The following NDUFS7 variants were observed in gnomAD, a reference collection of about 807,000 sequenced individuals.
The protein encoded by NDUFS7 is NADH:ubiquinone oxidoreductase core subunit S7.
NDUFS7 carries 11 observed loss-of-function variants against 31.1 expected under a neutral mutation model. The observed-to-expected ratio is 0.35, with a 90% CI of 0.22 to 0.59. The LOEUF (loss-of-function observed/expected upper bound fraction) is 0.59, where lower values mean the gene tolerates loss of function less well. Ranked by LOEUF, NDUFS7 falls within the 20% of genes least tolerant of loss-of-function variation. The probability of loss-of-function intolerance (pLI) is 0.79; values close to 1 mark genes in which losing one functional copy is unlikely to be tolerated. For missense variants in NDUFS7, 263 were observed against 324.2 expected (o/e 0.81, Z 1.45); for synonymous variants, 136 against 127.9 (o/e 1.06, Z -0.43).
chr19:1,389,011 C>T (rs1292180921), intron 4 of NDUFS7, 73 bp downstream of exon 4: 1 of 1,250,378 alleles, frequency 8.0e-7, no homozygotes, highest in Non-Finnish European at 1.1e-6. Context: ...CACACATACA[C>T]ACACCAACGT....
At chr19:1,389,436 A>G in intron 4 of NDUFS7, 2 of 458,034 alleles carry the variant, frequency 4.4e-6, no homozygotes, top group South Asian at 3.1e-5. Context: ...GCCGTGGAGC[A>G]GGGCGGACCC....
intron 7 of NDUFS7, chr19:1,394,826 C>T (rs1001071634): frequency 2.1e-5 from 25 of 1,165,280 alleles, no homozygotes; most frequent in African/African-American, 8.1e-5. Context: ...CTGCTGTCCC[C>T]GTTGGGCCCT....
Position 1,387,836 on chromosome 19 carries a change from C to A in NDUFS7, c.42C>A (p.Ile14=). 6.3e-7 allele frequency: 1 copy of A among 1,597,720 alleles called. No individual in the cohort carries two copies. The highest frequency in any genetic ancestry group is 1.7e-4 in the Middle Eastern group (1 of 5,984). The part of the protein sequence containing the change: ...LSAPGLRGFR[I]LGLRSSVGPA... Reference sequence around the variant, plus strand: ...CTCCTGGCCTGCGCGGCTTCCGGATCCTTGGTCTGCGGTGAGTGCCTGAGT... The same window carrying A: ...CTCCTGGCCTGCGCGGCTTCCGGATACTTGGTCTGCGGTGAGTGCCTGAGT... Residue 14 remains isoleucine (I), a synonymous_variant, in exon 2 of 8, where the codon ATC becomes ATA. Transcript: ENST00000233627.
At chr19:1,390,280 A>G (rs1443219378) in intron 4 of NDUFS7, 5 of 164,272 alleles carry the variant, frequency 3.0e-5, no homozygotes, top group Non-Finnish European at 6.6e-5. Context: ...GGGCAGGTGG[A>G]CCTGGCCATT....
intron 2 of NDUFS7, 38 bp downstream of exon 2, chr19:1,387,885 C>T: frequency 6.7e-7 from 1 of 1,483,182 alleles, no homozygotes; most frequent in Non-Finnish European, 9.2e-7. Flanking sequence ...CTGGGAGGGG[C>T]CTTCAGCAGC....
At position 1,393,210 on chromosome 19, in the gene NDUFS7, G is replaced by A. The variant is rs370874039; in HGVS notation, c.456-32G>A. The A allele has an allele frequency of 1.1e-4, 173 of 1,537,126 alleles. No homozygotes were observed. The highest frequency in any genetic ancestry group is 2.7e-5 in the African/African-American group (2 of 72,806). On this transcript the variant is annotated intron_variant, in intron 6 of 7. Transcript: ENST00000233627. The surrounding 1 kb of genome is among the most constrained non-coding windows in gnomAD (Gnocchi z 7.3). Reference sequence around the variant, plus strand: ...AGGGAGGGTGGGCAGGCGGGTCTTCGGCACACTCCCCTCACGGTGCCTCCC... The same window carrying A: ...AGGGAGGGTGGGCAGGCGGGTCTTCAGCACACTCCCCTCACGGTGCCTCCC...
At chr19:1,388,199 G>T (rs2082522612) in intron 2 of NDUFS7, 2 of 585,928 alleles carry the variant, frequency 3.4e-6, no homozygotes, top group Admixed American at 3.0e-5. Context: ...CGGTGAGGGC[G>T]CATGCCCAGG....
chr19:1,385,926 C>T (rs2082504766), intron 1 of NDUFS7, among the ~76,000 whole-genome samples: 1 of 152,218 alleles, frequency 6.6e-6, no homozygotes, highest in African/African-American at 2.4e-5. Flanking sequence ...ATCCAAAGTC[C>T]TGCATTTTCA....
At chr19:1,389,198 C>T (rs746914432) in intron 4 of NDUFS7, 9 of 688,824 alleles carry the variant, frequency 1.3e-5, no homozygotes, top group South Asian at 4.6e-5. Context: ...AGCACATGTG[C>T]ACACACGCTT....
intron 1 of NDUFS7, among the ~76,000 whole-genome samples, chr19:1,385,601 C>T (rs987388725): frequency 6.6e-6 from 1 of 152,086 alleles, no homozygotes; most frequent in African/African-American, 2.4e-5. Context: ...GGCGGATCCC[C>T]TGAGTTCGGG....
chr19:1,394,901 C>T (rs1427990070), intron 7 of NDUFS7: 29 of 1,116,418 alleles, frequency 2.6e-5, no homozygotes, highest in African/African-American at 6.6e-5. Flanking sequence ...CTGGGGGATC[C>T]CCAGCAAAGA....
chr19:1,383,960 G>T lies in NDUFS7; in HGVS notation c.16+18G>T. On this transcript the variant is annotated intron_variant, in intron 1 of 7. Transcript: ENST00000233627. ...GCTGTCAGGTGAGCGCGGCACCGGCGGCGGGTGTGGGGCCGCGCGGGTCTG... is the reference window on the plus strand; with the variant it reads ...GCTGTCAGGTGAGCGCGGCACCGGCTGCGGGTGTGGGGCCGCGCGGGTCTG... The T allele has an allele frequency of 6.4e-7, 1 of 1,563,316 alleles. No individual in the cohort carries two copies. Among genetic ancestry groups the T allele is most frequent in the South Asian group, 1.2e-5 (1 of 85,006 alleles).
intron 4 of NDUFS7, chr19:1,389,677 C>A (rs372192469): frequency 5.5e-6 from 2 of 365,684 alleles, no homozygotes; most frequent in East Asian, 7.4e-5. Flanking sequence ...CCAGCCCCCA[C>A]GCAGCCCCTG....
chr19:1,384,266 G>A (rs1247339344), intron 1 of NDUFS7: 4 of 437,630 alleles, frequency 9.1e-6, no homozygotes, highest in Non-Finnish European at 1.6e-5. Flanking sequence ...CTGCTCTTGA[G>A]ATGCCCTGGA....
At chr19:1,389,894 TTTC>T (rs1359215385) in intron 4 of NDUFS7, 1 of 209,042 alleles carries the variant, frequency 4.8e-6, no homozygotes, top group East Asian at 1.5e-4. Flanking sequence ...TTCTTTTCTT[TTTC>T]TTTTCTTTTC....
intron 7 of NDUFS7, chr19:1,395,047 G>A (rs2082586507): frequency 1.2e-5 from 14 of 1,207,448 alleles, no homozygotes; most frequent in Non-Finnish European, 1.5e-5. Context: ...GCTCCCCACT[G>A]CTAAGTGTGT....
Position 1,388,302 on chromosome 19 carries a change from TG to T in NDUFS7, c.54-220del. The stretch of plus-strand genomic sequence containing the variant: ...CCTTGCTTGGACACTGTTGACCTGC[TG>T]GGTACGTCACAAAAGAAGTTCCATT... On this transcript the variant is annotated intron_variant, in intron 2 of 7. Coordinates refer to ENST00000233627, the MANE Select transcript of NDUFS7 (RefSeq NM_024407.5). 3 of 615,778 alleles carry T rather than the reference TG, an allele frequency of 4.9e-6. No individual in the cohort carries two copies. The East Asian group carries it at 8.3e-5, about 17-fold the overall frequency. The allele number at this position is 615,778 out of a possible 1,614,324, so 38.1% of individuals were successfully genotyped here.
At chr19:1,388,130 G>C in intron 2 of NDUFS7, 1 of 599,240 alleles carries the variant, frequency 1.7e-6, no homozygotes, top group Non-Finnish European at 3.0e-6. Context: ...GGCATTCTCT[G>C]AGCCCTGTGC....
Position 1,384,049 on chromosome 19 carries a change from T to C in NDUFS7, c.16+107T>C, listed in dbSNP as rs896386027. The C allele has an allele frequency of 6.5e-5, 83 of 1,271,492 alleles. No homozygotes were observed. In the Middle Eastern group the frequency reaches 1.6e-3, roughly 25 times the overall value. The allele number at this position is 1,271,492 out of a possible 1,614,324, so 78.8% of individuals were successfully genotyped here. A position where few individuals can be genotyped will look rare whatever the true frequency, so the allele number is the denominator to read the frequency against. The stretch of plus-strand genomic sequence containing the variant: ...GTCGGTGCCGGCGTCGTGGCCGCGG[T>C]CCTCTCCGGGCTTCTCCGAGCCGGC... On this transcript the variant is annotated intron_variant, in intron 1 of 7. Transcript: ENST00000233627.
Sources: allele counts gnomAD v4.1 joint callset (sites outside exome capture counted in the v4.1 genomes callset), GRCh38; gene constraint gnomAD v4.1.1; non-coding constraint Gnocchi (gnomAD v3.1); transcripts MANE v1.5; gene names NCBI Gene and HGNC (gene_info 2026-07-23, HGNC 2026-07-21).